The following HK1 variants were observed in gnomAD, a reference collection of about 807,000 sequenced individuals.
HK1 encodes hexokinase 1.
HK1 carries 28 observed loss-of-function variants against 91.6 expected under a neutral mutation model. That is an observed-to-expected ratio of 0.31 (90% confidence interval 0.23 to 0.42). HK1 has a LOEUF of 0.42. Among genes scored for constraint, HK1 ranks in the 10% least tolerant of loss-of-function variants. The pLI, the probability that HK1 is intolerant of heterozygous loss-of-function variation, is 1.00. For missense variants in HK1, 770 were observed against 1,219.8 expected, an observed-to-expected ratio of 0.63 and a Z score of 5.49; for synonymous variants, 430 against 468.1, an observed-to-expected ratio of 0.92 and a Z score of 1.05.
upstream of HK1, among the ~76,000 whole-genome samples, chr10:69,317,399 C>A (rs1846704400): frequency 6.6e-6 from 1 of 152,148 alleles, no homozygotes; most frequent in African/African-American, 2.4e-5. Context: ...GAAGCTGGGG[C>A]CTCAGGACTG....
rs981728103 is a variant in HK1 at position 69,356,721 on chromosome 10, A to C, written c.227-3176A>C. Among the ~76,000 whole-genome samples the C allele has an allele frequency of 9.2e-5, 14 of 152,164 alleles. No individual in the cohort carries two copies. In the South Asian group the frequency reaches 2.9e-3, roughly 32 times the overall value. On this transcript the variant is annotated intron_variant, in intron 2 of 17. Coordinates refer to ENST00000359426, the MANE Select transcript of HK1 (RefSeq NM_000188.3). ...AACATAGTGAAACCCCGTCTCTACT[A>C]AAAATACAAAAATTAGCCAGGCGTG...
At chr10:69,315,865 ACT>A (rs2132551333), upstream of HK1, 1 of 1,356,886 alleles carries the variant, frequency 7.4e-7, no homozygotes, top group Non-Finnish European at 1.1e-6. Flanking sequence ...CTGGCTCAAA[ACT>A]CTACCACAAC....
At chr10:69,321,084 T>A (rs149529893) in intron 1 of HK1, among the ~76,000 whole-genome samples, 1 of 152,332 alleles carries the variant, frequency 6.6e-6, no homozygotes, top group African/African-American at 2.4e-5. Context: ...AAGGAGATTC[T>A]TAAAAACAAG....
At chr10:69,343,768 C>A in intron 1 of HK1, 59 bp from the exon 2 acceptor site, 1 of 1,412,128 alleles carries the variant, frequency 7.1e-7, no homozygotes, top group Non-Finnish European at 1.0e-6. Flanking sequence ...GGGTGGGTGC[C>A]TCACCTTGCC....
chr10:69,386,483 G>T, intron 13 of HK1, 65 bp downstream of exon 13: 2 of 1,334,628 alleles, frequency 1.5e-6, no homozygotes, highest in South Asian at 1.2e-5. Context: ...AAGTGTATTT[G>T]CCTGTTGTAA....
intron 1 of HK1, among the ~76,000 whole-genome samples, chr10:69,335,145 A>C (rs900857133): frequency 6.6e-6 from 1 of 152,128 alleles, no homozygotes; most frequent in African/African-American, 2.4e-5. Context: ...AGCAGGACAG[A>C]AACTAGGTTC....
chr10:69,333,969 G>A lies in HK1; in HGVS notation c.64-9858G>A, dbSNP rs868487048. 2.6e-5 allele frequency among the ~76,000 whole-genome samples: 4 copies of A among 152,092 alleles called. No homozygotes were observed. The South Asian group carries it at 6.2e-4, about 24-fold the overall frequency. On this transcript the variant is annotated intron_variant, in intron 1 of 17. Coordinates refer to ENST00000359426, the MANE Select transcript of HK1 (RefSeq NM_000188.3). ...CTACTAAAAATACAAAAATTAGCTGGACATGGTGGTGTGCGCCTGTAGTCC... is the reference window on the plus strand; with the variant it reads ...CTACTAAAAATACAAAAATTAGCTGAACATGGTGGTGTGCGCCTGTAGTCC...
upstream of HK1, among the ~76,000 whole-genome samples, chr10:69,314,957 C>T (rs367666665): frequency 2.0e-5 from 3 of 152,296 alleles, no homozygotes; most frequent in African/African-American, 4.8e-5. Flanking sequence ...TGAGCCACTG[C>T]GCCTGGCCAA....
intron 1 of HK1, among the ~76,000 whole-genome samples, chr10:69,341,681 C>T (rs987909558): frequency 6.6e-6 from 1 of 151,946 alleles, no homozygotes. Context: ...ATCTCGAACT[C>T]CTGGGCTCAA....
At chr10:69,368,664 G>A (rs368589171) in intron 5 of HK1, 33 bp downstream of exon 5, 11 of 1,541,432 alleles carry the variant, frequency 7.1e-6, no homozygotes, top group Non-Finnish European at 9.9e-6. Flanking sequence ...CCTCAGCCAT[G>A]CAGGGGTGTG....
intron 1 of HK1, among the ~76,000 whole-genome samples, chr10:69,274,103 G>C (rs1429144112): frequency 6.6e-6 from 1 of 152,024 alleles, no homozygotes; most frequent in African/African-American, 2.4e-5. Context: ...GTGATGGACT[G>C]ATCACTTTGA....
At chr10:69,305,843 A>C (rs1846076109) in intron 5 of HK1, among the ~76,000 whole-genome samples, 1 of 150,174 alleles carries the variant, frequency 6.7e-6, no homozygotes, top group Admixed American at 6.7e-5. Context: ...ACAGAGTGAG[A>C]CTCTGTCTCA....
chr10:69,290,997 C>T (rs1028626940), intron 3 of HK1, among the ~76,000 whole-genome samples: 11 of 152,338 alleles, frequency 7.2e-5, no homozygotes, highest in African/African-American at 2.6e-4. Context: ...CTCCTTCACC[C>T]CGCAACCAGA....
chr10:69,270,152 C>T (rs1306593088), intron 1 of HK1: 1 of 152,166 alleles, frequency 6.6e-6, no homozygotes, highest in Non-Finnish European at 1.5e-5. Flanking sequence ...TTTTCTCTCT[C>T]TTTTTTTGAG....
chr10:69,355,333 A>G (rs896311006), intron 2 of HK1, among the ~76,000 whole-genome samples: 1 of 152,214 alleles, frequency 6.6e-6, no homozygotes, highest in Non-Finnish European at 1.5e-5. Context: ...CAAAAGCTCA[A>G]GGGACCCAGA....
At chr10:69,317,820 A>G (rs1846728414), upstream of HK1, among the ~76,000 whole-genome samples, 1 of 152,212 alleles carries the variant, frequency 6.6e-6, no homozygotes. Context: ...AGCTCATTAC[A>G]TGTCATTTTG....
intron 1 of HK1, chr10:69,319,225 G>A: frequency 3.1e-6 from 2 of 640,610 alleles, no homozygotes; most frequent in African/African-American, 1.8e-5. Flanking sequence ...GCAATCGGGC[G>A]GAAGACCCCC....
intron 5 of HK1, among the ~76,000 whole-genome samples, chr10:69,309,706 C>T (rs1349699617): frequency 6.6e-6 from 1 of 151,078 alleles, no homozygotes; most frequent in African/African-American, 2.4e-5. Flanking sequence ...GAGGCTGAGG[C>T]AGGAGAATCA....
Position 69,389,230 on chromosome 10 carries a change from G to C in HK1, c.1969G>C (p.Asp657His), listed in dbSNP as rs1477062289. The C allele has an allele frequency of 6.2e-7, 1 of 1,614,074 alleles. No individual in the cohort carries two copies. ...CCTGGACGTGGTGGCTGTGGTCAAC[G>C]ACACAGTGGGCACCATGATGACCTG... ...FDLDVVAVVN[D>H]TVGTMMTCAY... Residue 657 changes from aspartate to histidine, a missense_variant, in exon 14 of 18, where the codon GAC becomes CAC. Physicochemically the swap from Asp to His is moderately conservative, Grantham distance 81. Around this residue, in one of 7 missense-constraint regions of HK1, gnomAD observed 152 missense variants for 211.1 expected, o/e 0.72. Coordinates refer to ENST00000359426, the MANE Select transcript of HK1 (RefSeq NM_000188.3).
Sources: gnomAD v4.1 joint callset for allele counts (sites outside exome capture counted in the v4.1 genomes callset) on GRCh38, gnomAD v4.1.1 for gene constraint, gnomAD v4.1.1 regional missense constraint, MANE v1.5 for transcripts, NCBI Gene and HGNC (gene_info 2026-07-23, HGNC 2026-07-21) for gene names.